The following CACNA1S variants were observed in gnomAD, a reference collection of about 807,000 sequenced individuals.
CACNA1S encodes the protein calcium voltage-gated channel subunit alpha1 S.
A neutral mutation model predicts 207.4 loss-of-function variants in CACNA1S; 126 were observed. That is an observed-to-expected ratio of 0.61 (90% CI 0.53 to 0.70). The LOEUF is 0.70. Ranked by LOEUF, CACNA1S falls within the 30% of genes least tolerant of loss-of-function variation. The pLI is 0.00. For missense variants in CACNA1S, 2,349 were observed against 2,422.8 expected (o/e 0.97, Z 0.64); for synonymous variants, 960 against 932.7 (o/e 1.03, Z -0.53).
At position 201,047,134 on chromosome 1, in the gene CACNA1S, T is replaced by C. The variant is rs1473410633; in HGVS notation, c.4649A>G (p.Lys1550Arg). 6.2e-7 allele frequency: 1 copy of C among 1,614,220 alleles called. No homozygotes were observed. Reference sequence around the variant, plus strand: ...GCTTACCTGGATCTGTACAATGTCCTTCTTGGGCCGATAGCCATAATACTC... The same window carrying C: ...GCTTACCTGGATCTGTACAATGTCCCTCTTGGGCCGATAGCCATAATACTC... The part of the protein sequence containing the change: ...QEEYYGYRPK[K>R]DIVQIQAGLR... The change falls in exon 38 of 44, where the codon AAG (lysine) becomes AGG (arginine). Residue 1550 changes from lysine (K) to arginine (R), a missense_variant. Lys to Arg is a conservative substitution (Grantham distance 26, BLOSUM62 2). Coordinates refer to ENST00000362061, the MANE Select transcript of CACNA1S (RefSeq NM_000069.3).
At chr1:201,100,545 T>C (rs1662614192) in intron 2 of CACNA1S, among the ~76,000 whole-genome samples, 1 of 151,510 alleles carries the variant, frequency 6.6e-6, no homozygotes, top group Non-Finnish European at 1.5e-5. Flanking sequence ...GTCTCAGGGG[T>C]CTCATTTCCC....
chr1:201,044,791 A>T (rs1460796815), intron 38 of CACNA1S, among the ~76,000 whole-genome samples: 2 of 152,176 alleles, frequency 1.3e-5, no homozygotes, highest in Non-Finnish European at 2.9e-5. Context: ...TACAGGCATG[A>T]GCCACCGTGC....
chr1:201,070,665 T>C (rs531911084), intron 16 of CACNA1S, among the ~76,000 whole-genome samples: 6 of 152,274 alleles, frequency 3.9e-5, no homozygotes, highest in Admixed American at 3.9e-4. Flanking sequence ...AGTAACTTTG[T>C]GGCTGCATGT....
intron 13 of CACNA1S, 45 bp downstream of exon 13, chr1:201,075,450 C>T: frequency 1.9e-6 from 3 of 1,576,678 alleles, no homozygotes; most frequent in Non-Finnish European, 2.6e-6. Context: ...CTTTCCCCCA[C>T]CCCCTCCCTA....
At position 201,049,011 on chromosome 1, in the gene CACNA1S, C is replaced by T. The variant is rs1572024596; in HGVS notation, c.4330G>A (p.Ala1444Thr). 1 of 1,613,296 alleles carries T rather than the reference C, an allele frequency of 6.2e-7. No individual in the cohort carries two copies. The highest frequency in any genetic ancestry group is 1.3e-5 in the African/African-American group (1 of 74,942). ...CTGGCAGCTCTGGTTACCTTACAAG[C>T]TACCCGATGTGGGCAGAACTTCCCA... ...GFGKFCPHRV[A>T]CKRLVGMNMP... Residue 1444 changes from alanine (A) to threonine (T), a missense_variant, in exon 35 of 44, where the codon GCT becomes ACT. Transcript: ENST00000362061.
At chr1:201,043,607 G>T in intron 39 of CACNA1S, 76 bp from the exon 40 acceptor site, 2 of 1,320,444 alleles carry the variant, frequency 1.5e-6, no homozygotes, top group Non-Finnish European at 2.2e-6. Flanking sequence ...TGGGACAGTG[G>T]TATTGGGAAC....
chr1:201,096,454 C>T (rs1282098276), intron 2 of CACNA1S, among the ~76,000 whole-genome samples: 1 of 152,176 alleles, frequency 6.6e-6, no homozygotes, highest in Admixed American at 6.5e-5. Flanking sequence ...GATAGTCATT[C>T]CACAGATATT....
At chr1:201,091,175 T>C (rs1246376960) in intron 5 of CACNA1S, among the ~76,000 whole-genome samples, 1 of 152,192 alleles carries the variant, frequency 6.6e-6, no homozygotes, top group Non-Finnish European at 1.5e-5. Context: ...CAATGTAGGT[T>C]ATTTCTGGAA....
At chr1:201,084,876 A>G in intron 9 of CACNA1S, 74 bp downstream of exon 9, 1 of 1,024,402 alleles carries the variant, frequency 9.8e-7, no homozygotes, top group Non-Finnish European at 1.5e-6. Flanking sequence ...ACTGAGGGGA[A>G]GTAACTGGAC....
chr1:201,057,904 C>G (rs1438700011), intron 28 of CACNA1S, among the ~76,000 whole-genome samples: 1 of 152,198 alleles, frequency 6.6e-6, no homozygotes, highest in Non-Finnish European at 1.5e-5. Context: ...AAAGCTGAAG[C>G]CCACTCTCAC....
intron 2 of CACNA1S, among the ~76,000 whole-genome samples, chr1:201,101,719 C>A (rs1041513772): frequency 6.6e-6 from 1 of 152,216 alleles, no homozygotes; most frequent in Non-Finnish European, 1.5e-5. Flanking sequence ...GGGATCTGGG[C>A]AGGCTGCTGC....
chr1:201,071,720 C>G (rs530425993), intron 16 of CACNA1S, among the ~76,000 whole-genome samples: 1 of 152,266 alleles, frequency 6.6e-6, no homozygotes, highest in East Asian at 1.9e-4. Flanking sequence ...AAGTCACTGC[C>G]ATCTAAGAGG....
intron 1 of CACNA1S, among the ~76,000 whole-genome samples, chr1:201,111,421 C>A (rs60218820): frequency 0.064 from 9,745 of 152,034 alleles, 979 homozygotes; most frequent in African/African-American, 0.21. Context: ...CCCAAATAAC[C>A]CAGATATTTT....
chr1:201,105,364 A>C (rs556533891), intron 2 of CACNA1S, among the ~76,000 whole-genome samples: 1 of 152,132 alleles, frequency 6.6e-6, no homozygotes, highest in Non-Finnish European at 1.5e-5. Flanking sequence ...GAAGGTCTTC[A>C]CTCATCCAGT....
At chr1:201,093,750 G>A in intron 3 of CACNA1S, 132 bp downstream of exon 3, 2 of 1,145,376 alleles carry the variant, frequency 1.7e-6, no homozygotes, top group Non-Finnish European at 2.6e-6. Context: ...GCCTCTAACA[G>A]AGGCTGCTCC....
At chr1:201,057,899 T>G (rs1453863886) in intron 28 of CACNA1S, among the ~76,000 whole-genome samples, 2 of 152,220 alleles carry the variant, frequency 1.3e-5, no homozygotes, top group African/African-American at 4.8e-5. Flanking sequence ...TCCATAAAGC[T>G]GAAGCCCACT....
intron 28 of CACNA1S, 36 bp downstream of exon 28, chr1:201,058,372 C>T (rs1306393425): frequency 3.2e-6 from 5 of 1,565,100 alleles, no homozygotes; most frequent in African/African-American, 1.4e-5. Flanking sequence ...GCTCTTGGGC[C>T]CACCCTAGTG....
At position 201,091,640 on chromosome 1, in the gene CACNA1S, C is replaced by T. The variant is rs766241141; in HGVS notation, c.694G>A (p.Asp232Asn). ...AGCCCCACTTTCCCTGGGAGCTCAC[C>T]TGTACCAATGAAGTAGCAGGTCTTG... ...MHKTCYFIGT[D>N]IVATVENEEP... The change falls in exon 5 of 44, where the codon GAT becomes AAT. Residue 232 changes from aspartate (D) to asparagine (N), a missense_variant and splice_region_variant. Transcript: ENST00000362061. 1.2e-6 allele frequency: 2 copies of T among 1,614,228 alleles called. No homozygotes were observed. Among genetic ancestry groups the T allele is most frequent in the South Asian group, 2.2e-5 (2 of 91,084 alleles).
rs926000507 is a variant in CACNA1S, at chr1:201,039,947, G to C, written c.5506C>G (p.Arg1836Gly). The C allele has an allele frequency of 6.2e-7, 1 of 1,614,138 alleles. No homozygotes were observed. Among genetic ancestry groups the C allele is most frequent in the Non-Finnish European group, 8.5e-7 (1 of 1,180,044 alleles). ...CTGGCCATGCCCTCTGGGGCCTCTC[G>C]TCCTTTCAGTAGCTCTGTTGCCATG... ...EIMATELLKG[R>G]EAPEGMASSL... Residue 1836 changes from arginine to glycine, a missense_variant, in exon 44 of 44, where the codon CGA becomes GGA. By Grantham distance (125) the Arg-to-Gly change is moderately radical (BLOSUM62 -2). Coordinates refer to ENST00000362061, the MANE Select transcript of CACNA1S (RefSeq NM_000069.3).
Sources: gnomAD v4.1 joint callset for allele counts (sites outside exome capture counted in the v4.1 genomes callset) on GRCh38, gnomAD v4.1.1 for gene constraint, MANE v1.5 for transcripts, NCBI Gene and HGNC (gene_info 2026-07-23, HGNC 2026-07-21) for gene names.